The following FGGY variants were observed in gnomAD, a reference collection of about 807,000 sequenced individuals.
The protein encoded by FGGY is FGGY carbohydrate kinase domain-containing protein.
Under a neutral mutation model 71.3 loss-of-function variants are expected in FGGY, and 72 were observed. The observed-to-expected ratio is 1.01, with a 90% CI of 0.84 to 1.23. The LOEUF is 1.23. Among genes scored for constraint, FGGY ranks in the 50% most tolerant of loss-of-function variants. FGGY has a pLI of 0.00. For synonymous variants in FGGY, 251 were observed against 250.3 expected (o/e 1.00, Z -0.02); for missense variants, 668 against 682.3 (o/e 0.98, Z 0.23).
intron 5 of FGGY, among the ~76,000 whole-genome samples, chr1:59,451,183 C>T (rs145524885): frequency 6.6e-6 from 1 of 152,052 alleles, no homozygotes; most frequent in Admixed American, 6.5e-5. Context: ...GAGAGTCCTA[C>T]TAAGTGTTTT....
chr1:59,750,820 G>C (rs116587815), intron 14 of FGGY, among the ~76,000 whole-genome samples: 2,297 of 152,148 alleles, frequency 0.015, 70 homozygotes, highest in African/African-American at 0.053. Context: ...CCACACATTA[G>C]CATGTGAACT....
At chr1:59,547,565 T>G (rs1377536076) in intron 7 of FGGY, among the ~76,000 whole-genome samples, 1 of 152,164 alleles carries the variant, frequency 6.6e-6, no homozygotes, top group African/African-American at 2.4e-5. Context: ...ACTCTCCTTT[T>G]CTCTATTTGT....
intron 5 of FGGY, among the ~76,000 whole-genome samples, chr1:59,455,548 G>T (rs1180402074): frequency 6.6e-6 from 1 of 152,200 alleles, no homozygotes; most frequent in Non-Finnish European, 1.5e-5. Flanking sequence ...ATTGGACTTT[G>T]TCCTGAAGTT....
intron 14 of FGGY, chr1:59,697,853 T>G: frequency 2.0e-6 from 1 of 500,720 alleles, no homozygotes; most frequent in Non-Finnish European, 3.1e-6. Context: ...CAATGAGAGT[T>G]GAAGATTTTA....
chr1:59,698,353 A>G (rs1286864702), intron 14 of FGGY, among the ~76,000 whole-genome samples: 5 of 152,152 alleles, frequency 3.3e-5, no homozygotes, highest in Non-Finnish European at 5.9e-5. Flanking sequence ...GCTAGTCAGA[A>G]CCATGCCCAC....
intron 1 of FGGY, among the ~76,000 whole-genome samples, chr1:59,299,620 C>T (rs2042446770): frequency 6.7e-6 from 1 of 149,768 alleles, no homozygotes; most frequent in Non-Finnish European, 1.5e-5. Flanking sequence ...CTTTTTTCTT[C>T]TCAGCAAGGC....
chr1:59,536,765 A>G (rs1286527740), intron 7 of FGGY, among the ~76,000 whole-genome samples: 1 of 152,238 alleles, frequency 6.6e-6, no homozygotes, highest in African/African-American at 2.4e-5. Flanking sequence ...TGATTATCTC[A>G]ATAGATGCAG....
chr1:59,372,112 A>G (rs2057759033), intron 4 of FGGY, among the ~76,000 whole-genome samples: 1 of 152,236 alleles, frequency 6.6e-6, no homozygotes, highest in African/African-American at 2.4e-5. Context: ...CAAAAAGTTA[A>G]TGAATCCAGG....
rs569941188 is a variant in FGGY, at chr1:59,419,918, G to T, written c.555-37043G>T. Among the ~76,000 whole-genome samples the T allele has an allele frequency of 3.9e-5, 6 of 152,232 alleles. No individual in the cohort carries two copies. The South Asian group carries it at 1.2e-3, about 32-fold the overall frequency. ...TGCAAACAACTCTATGGTAAATGCT[G>T]CTAAGCTGTTGATAAGTTGGCTTTC... On this transcript the variant is annotated intron_variant, in intron 5 of 15. Coordinates refer to ENST00000303721, the MANE Select transcript of FGGY (RefSeq NM_018291.5).
At chr1:59,722,280 C>A (rs1356185529) in intron 14 of FGGY, among the ~76,000 whole-genome samples, 1 of 151,940 alleles carries the variant, frequency 6.6e-6, no homozygotes, top group Non-Finnish European at 1.5e-5. Context: ...TGTAACTTAT[C>A]GCTATTGATG....
chr1:59,587,818 A>G (rs2096337914), intron 8 of FGGY, among the ~76,000 whole-genome samples: 3 of 152,312 alleles, frequency 2.0e-5, no homozygotes, highest in South Asian at 2.1e-4. Flanking sequence ...ATCAAAGACC[A>G]AAAGTAGATA....
At chr1:59,634,787 G>A (rs1458876144) in intron 10 of FGGY, among the ~76,000 whole-genome samples, 2 of 152,208 alleles carry the variant, frequency 1.3e-5, no homozygotes, top group African/African-American at 4.8e-5. Flanking sequence ...AGGGCTCTAT[G>A]TTTAATCTTC....
chr1:59,543,126 CTATT>C (rs1157991404), intron 7 of FGGY, among the ~76,000 whole-genome samples: 7 of 152,200 alleles, frequency 4.6e-5, no homozygotes, highest in Admixed American at 6.5e-5. Context: ...ATCTTCTACA[CTATT>C]TATCTAAGCT....
chr1:59,648,674 G>A lies in FGGY; in HGVS notation c.1221+10299G>A, dbSNP rs556896176. On this transcript the variant is annotated intron_variant, in intron 11 of 15. Transcript: ENST00000303721. ...GCCCTTTGTCAGATGAGTAGGTTGC[G>A]AAAATTTTCACCCATTTTGTAGGTT... Among the ~76,000 whole-genome samples the A allele has an allele frequency of 5.6e-4, 85 of 150,658 alleles. No individual in the cohort carries two copies. The East Asian group carries it at 0.011, about 19-fold the overall frequency.
chr1:59,385,118 C>CA (rs2153362063), intron 5 of FGGY, among the ~76,000 whole-genome samples: 1 of 152,244 alleles, frequency 6.6e-6, no homozygotes, highest in South Asian at 2.1e-4. Flanking sequence ...TTGGCAATGA[C>CA]AGTGTGTAAG....
chr1:59,587,146 C>G (rs1440564782), intron 8 of FGGY, among the ~76,000 whole-genome samples: 2 of 152,310 alleles, frequency 1.3e-5, no homozygotes, highest in East Asian at 3.9e-4. Context: ...GATTATATCC[C>G]GCACCTGGCT....
intron 6 of FGGY, among the ~76,000 whole-genome samples, chr1:59,492,334 G>A (rs1014426755): frequency 6.6e-6 from 1 of 152,046 alleles, no homozygotes. Context: ...TTGAGAATGG[G>A]GTACTAAAAA....
At chr1:59,503,594 CATATAT>C (rs71046332) in intron 6 of FGGY, among the ~76,000 whole-genome samples, 12 of 127,696 alleles carry the variant, frequency 9.4e-5, no homozygotes, top group East Asian at 4.4e-4. Context: ...GTGGTGTCGC[CATATAT>C]ATATATATAT....
At chr1:59,510,112 A>G (rs1570434427) in intron 6 of FGGY, among the ~76,000 whole-genome samples, 1 of 150,990 alleles carries the variant, frequency 6.6e-6, no homozygotes, top group South Asian at 2.1e-4. Context: ...TCCATTCAGA[A>G]CCCATTTTTA....
Sources: allele counts gnomAD v4.1 joint callset (sites outside exome capture counted in the v4.1 genomes callset), GRCh38; gene constraint gnomAD v4.1.1; transcripts MANE v1.5; gene names NCBI Gene and HGNC (gene_info 2026-07-23, HGNC 2026-07-21).